PALD1: variants seen among roughly 807,000 people sequenced by gnomAD.
The protein encoded by PALD1 is paladin.
Under a neutral mutation model 96.0 loss-of-function variants are expected in PALD1, and 57 were observed. That is an observed-to-expected ratio of 0.59 (90% CI 0.48 to 0.74). The LOEUF (loss-of-function observed/expected upper bound fraction) is 0.74, where lower values mean the gene tolerates loss of function less well. Ranked by LOEUF, PALD1 falls within the 30% of genes least tolerant of loss-of-function variation. The pLI, the probability that PALD1 is intolerant of heterozygous loss-of-function variation, is 0.00. For synonymous variants in PALD1, 464 were observed against 473.6 expected (o/e 0.98, Z 0.26); for missense variants, 1,063 against 1,143.7 (o/e 0.93, Z 1.02).
In PALD1 at chr10:70,539,239, C is replaced by T. The variant is rs887183179; in HGVS notation, c.1717C>T (p.Gln573Ter). Residue 573 changes from glutamine to a stop codon, truncating the protein, a stop_gained, in exon 14 of 20, where the codon CAG becomes TAG. Coordinates refer to ENST00000263563, the MANE Select transcript of PALD1 (RefSeq NM_014431.3). LOFTEE classifies it high-confidence loss of function. This position sits in a 1 kb window ranked among gnomAD's most constrained non-coding sequence, Gnocchi z 4.5. ...GCCTGGGCCCCCTGTGGCTCCTGAC[C>T]AGCTGGAGGTGAGGCCCCCTGCCCT... ...RWPGPPVAPDQLETLEAQLKA... is the reference protein window; with the variant it reads ...RWPGPPVAPD 6.2e-7 allele frequency: 1 copy of T among 1,609,082 alleles called. No individual in the cohort carries two copies. The highest frequency in any genetic ancestry group is 8.5e-7 in the Non-Finnish European group (1 of 1,178,222).
rs368026129 is a variant in PALD1, at chr10:70,532,793, C to T, written c.794+12C>T. 2.5e-4 allele frequency: 410 copies of T among 1,613,042 alleles called. 3 individuals are homozygous for T. The South Asian group carries it at 3.8e-3, about 15-fold the overall frequency. On this transcript the variant is annotated intron_variant, in intron 6 of 19. Coordinates refer to ENST00000263563, the MANE Select transcript of PALD1 (RefSeq NM_014431.3). ...CAGCCCACCTACAGGTACCACAGGGCCACCCCCAGCCCTGGCCATGGGTGC... is the reference window on the plus strand; with the variant it reads ...CAGCCCACCTACAGGTACCACAGGGTCACCCCCAGCCCTGGCCATGGGTGC...
rs139265067 is a variant in PALD1, at chr10:70,566,616, C to T, written c.2454C>T (p.Asn818=). ...AGGCTGGCATCTACGAGATCCTTAACGAGCTGGGCTTCCCCGAGCTGGAGA... is the reference window on the plus strand; with the variant it reads ...AGGCTGGCATCTACGAGATCCTTAATGAGCTGGGCTTCCCCGAGCTGGAGA... ...ASKAGIYEIL[N]ELGFPELESG... is the part of the protein sequence containing the mutation. The change falls in exon 20 of 20, where the codon AAC becomes AAT. Residue 818 remains asparagine (N), a synonymous_variant. Transcript: ENST00000263563. 3.0e-5 allele frequency: 49 copies of T among 1,611,148 alleles called. No homozygotes were observed. Among genetic ancestry groups the T allele is most frequent in the African/African-American group, 2.4e-4 (18 of 74,870 alleles).
At chr10:70,461,660 G>A in the PALD1 span, among the ~76,000 whole-genome samples, 1 of 152,178 alleles carries the variant, frequency 6.6e-6, no homozygotes, top group South Asian at 2.1e-4. Flanking sequence ...TGCAAATCCC[G>A]GGGCCCCCAC....
chr10:70,468,142 G>C, the PALD1 span, among the ~76,000 whole-genome samples: 1 of 152,174 alleles, frequency 6.6e-6, no homozygotes, highest in Non-Finnish European at 1.5e-5. Flanking sequence ...CCTGGTCAGG[G>C]GACTTGATCT....
rs774608522 is a variant in PALD1, at chr10:70,540,625, C to T, written c.1909-477C>T. ...TACCCTGCCTGAGCCCCTCCTGGCG[C>T]ATCTCTTCGCGGCTCTCACTGCCTG... On this transcript the variant is annotated intron_variant, in intron 15 of 19. Coordinates refer to ENST00000263563, the MANE Select transcript of PALD1 (RefSeq NM_014431.3). The surrounding 1 kb of genome is among the most constrained non-coding windows in gnomAD (Gnocchi z 4.2). Among the ~76,000 whole-genome samples, 3 of 152,232 alleles carry T rather than the reference C, an allele frequency of 2.0e-5. No individual in the cohort carries two copies. The highest frequency in any genetic ancestry group is 1.5e-5 in the Non-Finnish European group (1 of 68,004).
In PALD1 at chr10:70,542,670, A is replaced by G. The variant is rs114679274; in HGVS notation, c.2121+1136A>G. On this transcript the variant is annotated intron_variant, in intron 17 of 19. Transcript: ENST00000263563. ...TGGATAGACCACATTTTGTTTCTCC[A>G]TTCCTCCATCAAGGGACACTATTTG... 1.0e-2 allele frequency among the ~76,000 whole-genome samples: 1,523 copies of G among 152,310 alleles called. 25 individuals carry two copies. The highest frequency in any genetic ancestry group is 0.034 in the African/African-American group (1,404 of 41,562).
chr10:70,514,042 A>C (rs1846572051), intron 1 of PALD1, among the ~76,000 whole-genome samples: 1 of 152,020 alleles, frequency 6.6e-6, no homozygotes, highest in Non-Finnish European at 1.5e-5. Flanking sequence ...GCTTCTCTCC[A>C]CTCAGTGGGC....
At chr10:70,497,768 C>T (rs7086277) in intron 1 of PALD1, among the ~76,000 whole-genome samples, 22 of 151,656 alleles carry the variant, frequency 1.5e-4, no homozygotes, top group Admixed American at 2.6e-4. Context: ...GTAGAAACAG[C>T]GTTTTACCAT....
chr10:70,508,815 G>GTGTA (rs1846450393), intron 1 of PALD1, among the ~76,000 whole-genome samples: 1 of 98,946 alleles, frequency 1.0e-5, no homozygotes, highest in Non-Finnish European at 2.3e-5. Flanking sequence ...GTGTGTGTGT[G>GTGTA]TGTGCAGGCC....
rs114774126 is a variant in PALD1, at chr10:70,562,635, C to T, written c.2263-1729C>T. 9.0e-3 allele frequency among the ~76,000 whole-genome samples: 1,370 copies of T among 152,308 alleles called. 24 individuals carry two copies. Among genetic ancestry groups the T allele is most frequent in the African/African-American group, 0.031 (1,309 of 41,560 alleles). On this transcript the variant is annotated intron_variant, in intron 18 of 19. Coordinates refer to ENST00000263563, the MANE Select transcript of PALD1 (RefSeq NM_014431.3). Reference sequence around the variant, plus strand: ...GTTCCTGGTGCCCGAGGGATGACCCCTGTGCCACGTCCTCTTCCTGGAGCA... The same window carrying T: ...GTTCCTGGTGCCCGAGGGATGACCCTTGTGCCACGTCCTCTTCCTGGAGCA...
chr10:70,552,721 G>A (rs954648109), intron 18 of PALD1, among the ~76,000 whole-genome samples: 1 of 152,186 alleles, frequency 6.6e-6, no homozygotes, highest in African/African-American at 2.4e-5. Flanking sequence ...CGCCATGATT[G>A]CCTCTTAAAC....
Position 70,564,347 on chromosome 10 carries a change from C to T in PALD1, c.2263-17C>T, listed in dbSNP as rs202120686. Reference sequence around the variant, plus strand: ...ACGGATCCCCCCACACTGACCCCACCCTGTCCTGTCCTCCAGGCGAAGGCA... The same window carrying T: ...ACGGATCCCCCCACACTGACCCCACTCTGTCCTGTCCTCCAGGCGAAGGCA... On this transcript the variant is annotated splice_polypyrimidine_tract_variant and intron_variant, in intron 18 of 19. Transcript: ENST00000263563. The T allele has an allele frequency of 6.2e-7, 1 of 1,607,784 alleles. No homozygotes were observed. The highest frequency in any genetic ancestry group is 8.5e-7 in the Non-Finnish European group (1 of 1,176,910).
At chr10:70,554,151 A>G (rs891408307) in intron 18 of PALD1, among the ~76,000 whole-genome samples, 1 of 152,232 alleles carries the variant, frequency 6.6e-6, no homozygotes, top group Admixed American at 6.5e-5. Context: ...CCTCAAGGCC[A>G]TGCACTCTGG....
chr10:70,520,893 T>C (rs1467439934), intron 1 of PALD1, among the ~76,000 whole-genome samples: 3 of 151,816 alleles, frequency 2.0e-5, no homozygotes, highest in African/African-American at 4.8e-5. Context: ...GGTTTTGCCA[T>C]GTTGGCCAAG....
chr10:70,527,717 GGA>G (rs1315884311), intron 2 of PALD1, among the ~76,000 whole-genome samples: 1 of 152,194 alleles, frequency 6.6e-6, no homozygotes, highest in East Asian at 1.9e-4. Flanking sequence ...AGGCAGAGCT[GGA>G]GTGGGAACCC....
intron 1 of PALD1, among the ~76,000 whole-genome samples, chr10:70,495,886 G>A (rs535925256): frequency 6.6e-6 from 1 of 151,528 alleles, no homozygotes. Context: ...GTGTGTGCCT[G>A]TAGTTCCCCA....
chr10:70,532,471 G>C (rs959794653), intron 5 of PALD1, 150 bp from the exon 6 acceptor site: 2 of 725,112 alleles, frequency 2.8e-6, no homozygotes, highest in African/African-American at 3.6e-5. Context: ...ATGGCATAGA[G>C]AGCACTTCTG....
At chr10:70,510,508 C>T (rs1846491039) in intron 1 of PALD1, among the ~76,000 whole-genome samples, 1 of 152,204 alleles carries the variant, frequency 6.6e-6, no homozygotes, top group African/African-American at 2.4e-5. Flanking sequence ...CAACACCTGG[C>T]TGCATGGAAC....
intron 1 of PALD1, among the ~76,000 whole-genome samples, chr10:70,480,319 T>C (rs532429369): frequency 6.6e-6 from 1 of 152,256 alleles, no homozygotes; most frequent in African/African-American, 2.4e-5. Context: ...AGAGCCAGCC[T>C]TGTAGGAGGT....
Sources: allele counts gnomAD v4.1 joint callset (sites outside exome capture counted in the v4.1 genomes callset), GRCh38; gene constraint gnomAD v4.1.1; non-coding constraint Gnocchi (gnomAD v3.1); transcripts MANE v1.5; gene names NCBI Gene and HGNC (gene_info 2026-07-23, HGNC 2026-07-21).